CEP192: variants seen among roughly 807,000 people sequenced by gnomAD.
CEP192 encodes the protein centrosomal protein 192, also known as centrosomal protein of 192 kDa.
In CEP192, 151 loss-of-function variants were observed where a neutral mutation model predicts 271.8. The ratio of observed to expected loss-of-function variants is 0.56; its 90% CI spans 0.49 to 0.64. The LOEUF is 0.64. CEP192 is among the 30% of genes least tolerant of loss of function. CEP192 has a pLI of 0.00. For synonymous variants in CEP192, 995 were observed against 1,076.5 expected (o/e 0.92, Z 1.48); for missense variants, 2,910 against 3,020.5 (o/e 0.96, Z 0.86).
At chr18:13,065,121 T>G (rs759594061) in intron 21 of CEP192, among the ~76,000 whole-genome samples, 1 of 152,138 alleles carries the variant, frequency 6.6e-6, no homozygotes, top group Non-Finnish European at 1.5e-5. Flanking sequence ...CTTTTATATG[T>G]TAATTTTGTA....
At chr18:13,071,761 C>CTTTTAAACCTTTATTGTACAGG (rs2038026950) in intron 28 of CEP192, among the ~76,000 whole-genome samples, 1 of 151,924 alleles carries the variant, frequency 6.6e-6, no homozygotes, top group Admixed American at 6.6e-5. Context: ...ACAGGTTTAT[C>CTTTTAAACCTTTATTGTACAGG]TTTAAAAGTA....
intron 39 of CEP192, among the ~76,000 whole-genome samples, chr18:13,104,280 C>T (rs1393736414): frequency 1.3e-5 from 2 of 152,144 alleles, no homozygotes; most frequent in African/African-American, 4.8e-5. Flanking sequence ...GTGCAGGAAA[C>T]GGAGCTGAGC....
Position 13,068,417 on chromosome 18 carries a change from C to T in CEP192, c.4817C>T (p.Ser1606Phe). The T allele has an allele frequency of 9.9e-6, 16 of 1,608,854 alleles. No individual in the cohort carries two copies. The highest frequency in any genetic ancestry group is 1.4e-5 in the Non-Finnish European group (16 of 1,176,184). The change falls in exon 24 of 45, where the codon TCT becomes TTT. Residue 1606 changes from serine to phenylalanine, a missense_variant. Coordinates refer to ENST00000506447, the MANE Select transcript of CEP192 (RefSeq NM_032142.4). ...CATAGTCCAAAGAAACAGATCAGCT[C>T]TTCAGGTATCATGTTTACACTGTGT... ...LFHSPKKQIS[S>F]SDILDSAEEF...
rs200921840 is a variant in CEP192, at chr18:13,071,231, C to T, written c.5348+19C>T. 3.1e-6 allele frequency: 5 copies of T among 1,596,222 alleles called. No individual in the cohort carries two copies. Among genetic ancestry groups the T allele is most frequent in the Non-Finnish European group, 4.3e-6 (5 of 1,167,648 alleles). On this transcript the variant is annotated intron_variant, in intron 28 of 44. Transcript: ENST00000506447. ...GAACACAGTAAGTGTCAAAGACTGA[C>T]AAATCGTCCACTATTTATACATATT...
rs755311387 is a variant in CEP192, at chr18:13,087,004, A to T, written c.5617-13A>T. The T allele has an allele frequency of 6.3e-7, 1 of 1,580,122 alleles. No individual in the cohort carries two copies. The highest frequency in any genetic ancestry group is 1.4e-5 in the African/African-American group (1 of 73,836). On this transcript the variant is annotated splice_polypyrimidine_tract_variant and intron_variant, in intron 30 of 44. Coordinates refer to ENST00000506447, the MANE Select transcript of CEP192 (RefSeq NM_032142.4). ...AACATTAAAATAATTTTGGATATGT[A>T]TATCTTTTTTAGATACCTTTGTCTG...
chr18:13,100,244 A>G (rs2039641318), intron 37 of CEP192, 61 bp from the exon 38 acceptor site: 1 of 1,141,852 alleles, frequency 8.8e-7, no homozygotes, highest in African/African-American at 1.5e-5. Flanking sequence ...TAAAAATGGA[A>G]TTGTTTCGTT....
At chr18:13,054,450 C>T (rs1568343567) in intron 18 of CEP192, among the ~76,000 whole-genome samples, 1 of 152,154 alleles carries the variant, frequency 6.6e-6, no homozygotes, top group African/African-American at 2.4e-5. Context: ...GAATACACAG[C>T]GTAGTGTGAG....
At chr18:13,082,573 C>T (rs1876752008) in intron 30 of CEP192, among the ~76,000 whole-genome samples, 1 of 150,622 alleles carries the variant, frequency 6.6e-6, no homozygotes, top group Non-Finnish European at 1.5e-5. Flanking sequence ...GACTCTTTAT[C>T]CAATTTGCCA....
chr18:13,104,784 C>T (rs1271194120), intron 39 of CEP192, among the ~76,000 whole-genome samples, 200 bp from the exon 40 acceptor site: 2 of 152,144 alleles, frequency 1.3e-5, no homozygotes, highest in African/African-American at 4.8e-5. Flanking sequence ...GTGACCTCTC[C>T]TTTGGTGATG....
At chr18:13,048,336 T>A (rs2036589688) in intron 15 of CEP192, among the ~76,000 whole-genome samples, 1 of 152,180 alleles carries the variant, frequency 6.6e-6, no homozygotes, top group Non-Finnish European at 1.5e-5. Context: ...CACTTAGTAG[T>A]GTTTGGTGAT....
At chr18:13,096,041 A>C in intron 35 of CEP192, 143 bp from the exon 36 acceptor site, 3 of 833,122 alleles carry the variant, frequency 3.6e-6, no homozygotes, top group Non-Finnish European at 3.7e-6. Flanking sequence ...ACTACCAAGG[A>C]TTGGAAATTT....
chr18:12,999,315 A>AG, intron 1 of CEP192, 106 bp from the exon 2 acceptor site: 1 of 879,054 alleles, frequency 1.1e-6, no homozygotes. Flanking sequence ...TGCTAAAAAA[A>AG]GGATTTTTTT....
chr18:12,991,609 C>T (rs914760522), intron 1 of CEP192, among the ~76,000 whole-genome samples, 172 bp downstream of exon 1: 1 of 152,278 alleles, frequency 6.6e-6, no homozygotes, highest in African/African-American at 2.4e-5. Context: ...GCGCTTCCCG[C>T]GCCTCTGCGC....
rs545191456 is a variant in CEP192 at position 13,003,451 on chromosome 18, GAA to G, written c.290+1889_290+1890del. 9.0e-3 allele frequency among the ~76,000 whole-genome samples: 918 copies of G among 101,494 alleles called. 16 individuals are homozygous for G. The highest frequency in any genetic ancestry group is 0.03 in the African/African-American group (857 of 28,904). 66.6% of individuals were successfully genotyped at this position (101,494 alleles called of 152,430 possible). On this transcript the variant is annotated intron_variant, in intron 3 of 44. Coordinates refer to ENST00000506447, the MANE Select transcript of CEP192 (RefSeq NM_032142.4). Reference sequence around the variant, plus strand: ...GCAACAGAGTGAGACTCTGTCTCAAGAAAAAAAAAAAAAAAAAAAAAGAAGAT... The same window carrying G: ...GCAACAGAGTGAGACTCTGTCTCAAGAAAAAAAAAAAAAAAAAAAGAAGAT...
intron 38 of CEP192, among the ~76,000 whole-genome samples, chr18:13,100,789 A>G (rs2039669321): frequency 6.6e-6 from 1 of 152,196 alleles, no homozygotes; most frequent in South Asian, 2.1e-4. Flanking sequence ...TCTTGACCAG[A>G]ATTGTTAATA....
intron 6 of CEP192, among the ~76,000 whole-genome samples, chr18:13,016,732 C>T (rs923473376): frequency 6.6e-6 from 1 of 152,104 alleles, no homozygotes; most frequent in Non-Finnish European, 1.5e-5. Context: ...TTTGTGCTTG[C>T]TGAGCTGGGT....
chr18:13,003,501 G>C (rs1016681416), intron 3 of CEP192, among the ~76,000 whole-genome samples: 7 of 150,538 alleles, frequency 4.6e-5, no homozygotes, highest in African/African-American at 1.7e-4. Flanking sequence ...TTGAGGGAGG[G>C]AGTTAACTAT....
intron 31 of CEP192, 104 bp downstream of exon 31, chr18:13,087,381 A>G (rs2038945699): frequency 9.0e-7 from 1 of 1,110,756 alleles, no homozygotes; most frequent in Admixed American, 2.7e-5. Flanking sequence ...AAAATAATGT[A>G]GGAATAGAAG....
chr18:13,050,821 C>G (rs1051882311), intron 17 of CEP192, among the ~76,000 whole-genome samples: 1 of 152,102 alleles, frequency 6.6e-6, no homozygotes, highest in African/African-American at 2.4e-5. Flanking sequence ...CTCAGGTAAT[C>G]CACCTGCCTC....
Sources: gnomAD v4.1 joint callset for allele counts (sites outside exome capture counted in the v4.1 genomes callset) on GRCh38, gnomAD v4.1.1 for gene constraint, MANE v1.5 for transcripts, NCBI Gene and HGNC (gene_info 2026-07-23, HGNC 2026-07-21) for gene names.